The following SCARB1 variants were observed in gnomAD, a reference collection of about 807,000 sequenced individuals.
SCARB1 encodes scavenger receptor class B member 1, also known as CD36 and LIMPII analogous 1.
Under a neutral mutation model 57.2 loss-of-function variants are expected in SCARB1, and 30 were observed. That is an observed-to-expected ratio of 0.52 (90% CI 0.39 to 0.71). The LOEUF is 0.71. Among genes scored for constraint, SCARB1 ranks in the 30% least tolerant of loss-of-function variants. The pLI is 0.00. For synonymous variants in SCARB1, 249 were observed against 268.3 expected (o/e 0.93, Z 0.70); for missense variants, 543 against 671.2 (o/e 0.81, Z 2.11).
chr12:124,821,463 G>A (rs897126484), intron 1 of SCARB1: 11 of 984,422 alleles, frequency 1.1e-5, no homozygotes, highest in South Asian at 9.4e-5. Context: ...ATCCGGCCGC[G>A]TGTCCATGTC....
chr12:124,823,561 C>A (rs1951022900), intron 1 of SCARB1, among the ~76,000 whole-genome samples: 1 of 152,180 alleles, frequency 6.6e-6, no homozygotes, highest in Admixed American at 6.5e-5. Context: ...ACTGTGGAAA[C>A]CAGTCTGACC....
chr12:124,826,525 T>G (rs1951170010), intron 1 of SCARB1, among the ~76,000 whole-genome samples: 1 of 152,032 alleles, frequency 6.6e-6, no homozygotes, highest in Non-Finnish European at 1.5e-5. Context: ...AGCCTTGACT[T>G]CCCGATCTCC....
In SCARB1 at chr12:124,848,749, C is replaced by T. The variant is rs150813848; in HGVS notation, c.126+14846G>A. ...GCCGTGGTACATCCGCACCGTGGAG[C>T]GTTTCCAGGCATCTAGAGAATCAGA... On this transcript the variant is annotated intron_variant, in intron 1 of 12. Coordinates refer to ENST00000261693, the MANE Select transcript of SCARB1 (RefSeq NM_005505.5). Among the ~76,000 whole-genome samples, 8 of 152,346 alleles carry T rather than the reference C, an allele frequency of 5.3e-5. No individual in the cohort carries two copies. In the East Asian group the frequency reaches 7.7e-4, roughly 15 times the overall value.
chr12:124,814,488 A>G lies in SCARB1; in HGVS notation c.427-83T>C, dbSNP rs1438613006. 1 of 1,439,674 alleles carries G rather than the reference A, an allele frequency of 6.9e-7. No individual in the cohort carries two copies. The highest frequency in any genetic ancestry group is 9.7e-7 in the Non-Finnish European group (1 of 1,028,002). 89.2% of individuals were successfully genotyped at this position (1,439,674 alleles called of 1,614,324 possible). On this transcript the variant is annotated intron_variant, in intron 3 of 12. Coordinates refer to ENST00000261693, the MANE Select transcript of SCARB1 (RefSeq NM_005505.5). The surrounding 1 kb of genome is among the most constrained non-coding windows in gnomAD (Gnocchi z 4.7). The stretch of plus-strand genomic sequence containing the variant: ...TGGCCCCAGCTGGGCCTCACAGCAA[A>G]GAGCCCATGAAGGGAAATGCTGGGG...
intron 5 of SCARB1, among the ~76,000 whole-genome samples, chr12:124,811,600 T>C (rs1388171958): frequency 2.0e-5 from 3 of 152,026 alleles, no homozygotes; most frequent in African/African-American, 7.3e-5. Flanking sequence ...AAGTAAAGAA[T>C]CGAAAGGAAG....
At chr12:124,839,376 G>A (rs1462129484) in intron 1 of SCARB1, 1 of 437,838 alleles carries the variant, frequency 2.3e-6, no homozygotes, top group South Asian at 1.6e-5. Flanking sequence ...CGCAGCGTGC[G>A]TCCAAACGTC....
chr12:124,830,328 C>G lies in SCARB1; in HGVS notation c.127-12621G>C, dbSNP rs7305485. ...TTCACCCTACAATATAGCAATCCCA[C>G]CCCCAGTATTTGTCCCAGAAAAATG... On this transcript the variant is annotated intron_variant, in intron 1 of 12. Coordinates refer to ENST00000261693, the MANE Select transcript of SCARB1 (RefSeq NM_005505.5). Among the ~76,000 whole-genome samples the G allele has an allele frequency of 4.7e-3, 710 of 152,294 alleles. 10 individuals are homozygous for G. The highest frequency in any genetic ancestry group is 0.016 in the African/African-American group (674 of 41,568).
intron 1 of SCARB1, among the ~76,000 whole-genome samples, chr12:124,834,243 C>A (rs369757928): frequency 2.9e-4 from 44 of 152,360 alleles, no homozygotes; most frequent in African/African-American, 1.0e-3. Flanking sequence ...CACGGGGGGA[C>A]AGGGAGGCAG....
chr12:124,838,200 T>A (rs1293642990), intron 1 of SCARB1, among the ~76,000 whole-genome samples: 1 of 152,154 alleles, frequency 6.6e-6, no homozygotes, highest in East Asian at 1.9e-4. Context: ...GGAAGGGCCA[T>A]CCCCTGCCAG....
intron 1 of SCARB1, among the ~76,000 whole-genome samples, chr12:124,858,375 C>T (rs961261943): frequency 2.0e-5 from 3 of 152,116 alleles, no homozygotes; most frequent in African/African-American, 4.8e-5. Flanking sequence ...TTCACAATCG[C>T]GGCCCTTAGT....
At chr12:124,819,735 C>T (rs1950876658) in intron 1 of SCARB1, among the ~76,000 whole-genome samples, 1 of 152,258 alleles carries the variant, frequency 6.6e-6, no homozygotes, top group African/African-American at 2.4e-5. Flanking sequence ...CCAGAACCAA[C>T]AGGCAGAGGC....
In SCARB1 at chr12:124,850,352, G is replaced by A. The variant is rs992822991; in HGVS notation, c.126+13243C>T. 1.1e-4 allele frequency among the ~76,000 whole-genome samples: 16 copies of A among 151,436 alleles called. 1 individual carries two copies. The East Asian group carries it at 1.8e-3, about 17-fold the overall frequency. Reference sequence around the variant, plus strand: ...CATGCCACTGCACTCCAGCCCGGGCGACAGACTGAGACCATGTCTCAAAAA... The same window carrying A: ...CATGCCACTGCACTCCAGCCCGGGCAACAGACTGAGACCATGTCTCAAAAA... On this transcript the variant is annotated intron_variant, in intron 1 of 12. Coordinates refer to ENST00000261693, the MANE Select transcript of SCARB1 (RefSeq NM_005505.5).
At chr12:124,863,451 G>T in intron 1 of SCARB1, 144 bp downstream of exon 1, 2 of 770,188 alleles carry the variant, frequency 2.6e-6, no homozygotes, top group Non-Finnish European at 4.0e-6. Flanking sequence ...CGAAGCGCCT[G>T]GCCTCCCTCG....
rs114194486 is a variant in SCARB1 at position 124,855,989 on chromosome 12, G to A, written c.126+7606C>T. ...CCCATTTGCTAGAAACCAAAGGCCA[G>A]GGTAAGGCGATTCCAGGTGGCTGAG... On this transcript the variant is annotated intron_variant, in intron 1 of 12. Transcript: ENST00000261693. Among the ~76,000 whole-genome samples, 428 of 152,374 alleles carry A rather than the reference G, an allele frequency of 2.8e-3. 3 individuals are homozygous for A. The highest frequency in any genetic ancestry group is 9.7e-3 in the African/African-American group (403 of 41,588).
chr12:124,805,781 G>A (rs1463153697), intron 7 of SCARB1, among the ~76,000 whole-genome samples: 1 of 143,202 alleles, frequency 7.0e-6, no homozygotes, highest in Admixed American at 7.2e-5. Context: ...TATTGCCCAG[G>A]CTGGTCTCGA....
chr12:124,795,229 G>C lies in SCARB1; in HGVS notation c.1168C>G (p.Leu390Val). The change falls in exon 9 of 13, where the codon CTG becomes GTG. Residue 390 changes from leucine to valine, a missense_variant. By Grantham distance (32) the Leu-to-Val change is conservative. Transcript: ENST00000261693. ...GCGACAGATTTCATGTAGAGGCTCAGCTGCAGTTTCACAGAGCAGTTCATG... is the reference window on the plus strand; with the variant it reads ...GCGACAGATTTCATGTAGAGGCTCACCTGCAGTTTCACAGAGCAGTTCATG... ...IPMNCSVKLQ[L>V]SLYMKSVAGI... 1 of 1,614,006 alleles carries C rather than the reference G, an allele frequency of 6.2e-7. No homozygotes were observed. The highest frequency in any genetic ancestry group is 8.5e-7 in the Non-Finnish European group (1 of 1,179,898).
At chr12:124,837,459 G>C (rs1186791013) in intron 1 of SCARB1, among the ~76,000 whole-genome samples, 1 of 63,718 alleles carries the variant, frequency 1.6e-5, no homozygotes, top group Non-Finnish European at 3.7e-5. Context: ...AAGAAAGAAG[G>C]AAAGAAAGAA....
At chr12:124,778,614 C>T in intron 12 of SCARB1, 28 bp from the exon 13 acceptor site, 1 of 1,412,388 alleles carries the variant, frequency 7.1e-7, no homozygotes. Context: ...GCTGGGTGAC[C>T]ACCCACGCCC....
intron 1 of SCARB1, among the ~76,000 whole-genome samples, chr12:124,835,435 T>A (rs1437503868): frequency 6.6e-6 from 1 of 151,436 alleles, no homozygotes; most frequent in Non-Finnish European, 1.5e-5. Context: ...AATTTTTTCA[T>A]TTTTTGTAGA....
Sources: gnomAD v4.1 joint callset for allele counts (sites outside exome capture counted in the v4.1 genomes callset) on GRCh38, gnomAD v4.1.1 for gene constraint, Gnocchi (gnomAD v3.1) non-coding constraint, MANE v1.5 for transcripts, NCBI Gene and HGNC (gene_info 2026-07-23, HGNC 2026-07-21) for gene names.